AP1M2: variants seen among roughly 807,000 people sequenced by gnomAD.
The protein encoded by AP1M2 is adaptor related protein complex 1 subunit mu 2.
In AP1M2, 41 loss-of-function variants were observed where a neutral mutation model predicts 54.6. The ratio of observed to expected loss-of-function variants is 0.75; its 90% CI spans 0.59 to 0.97. The LOEUF is 0.97. Among genes scored for constraint, AP1M2 ranks in the 50% least tolerant of loss-of-function variants. The pLI, the probability that AP1M2 is intolerant of heterozygous loss-of-function variation, is 0.00. For missense variants in AP1M2, 507 were observed against 561.2 expected (o/e 0.90, Z 0.98); for synonymous variants, 219 against 215.9 (o/e 1.01, Z -0.13).
rs1237311567 is a variant in AP1M2 at position 10,583,587 on chromosome 19, A to G, written c.267+19T>C. 1.3e-6 allele frequency: 2 copies of G among 1,579,096 alleles called. No homozygotes were observed. The highest frequency in any genetic ancestry group is 1.7e-6 in the Non-Finnish European group (2 of 1,152,438). ...GATAGACGGATAGACCAGTTAGCCA[A>G]TGGGAGGCTAGTACCTACCTCTATT... is the stretch of plus-strand genomic sequence containing the variant. On this transcript the variant is annotated intron_variant, in intron 3 of 11. Transcript: ENST00000250244.
In AP1M2 at chr19:10,583,790, C is replaced by A. The variant is rs1161068933; in HGVS notation, c.200-117G>T. ...CTCATCTCTACCTGCCCCTGCCCCC[C>A]AGCCTAAGCCACAGAGATGTGCGGT... On this transcript the variant is annotated intron_variant, in intron 2 of 11. Transcript: ENST00000250244. The A allele has an allele frequency of 2.7e-6, 4 of 1,488,434 alleles. No individual in the cohort carries two copies. In the East Asian group the frequency reaches 7.1e-5, roughly 26 times the overall value. 92.2% of individuals were successfully genotyped at this position (1,488,434 alleles called of 1,614,324 possible).
At position 10,584,011 on chromosome 19, in the gene AP1M2, C is replaced by T; in HGVS notation, c.102G>A (p.Met34Ile). ...DVAMSKIEHF[M>I]PLLVQREEEG... ...CCTCCTCCCGCTGTACCAGCAAAGG[C>T]ATGAAGTGCTCAATCTTGCTCATGG... The change falls in exon 2 of 12, where the codon ATG becomes ATA. Residue 34 changes from methionine to isoleucine, a missense_variant. Transcript: ENST00000250244. The T allele has an allele frequency of 6.2e-7, 1 of 1,610,224 alleles. No individual in the cohort carries two copies. Among genetic ancestry groups the T allele is most frequent in the Non-Finnish European group, 8.5e-7 (1 of 1,178,388 alleles).
chr19:10,583,965 G>A lies in AP1M2; in HGVS notation c.148C>T (p.Leu50=), dbSNP rs1197908497. The change falls in exon 2 of 12, where the codon CTG becomes TTG. Residue 50 remains leucine, a synonymous_variant. Coordinates refer to ENST00000250244, the MANE Select transcript of AP1M2 (RefSeq NM_005498.5). The part of the protein sequence containing the change: ...REEEGALAPL[L]SHGQVHFLWI... ...AGGAAGTGGACCTGGCCGTGGCTCAGCAGCGGGGCCAGGGCGCCTTCCTCC... is the reference window on the plus strand; with the variant it reads ...AGGAAGTGGACCTGGCCGTGGCTCAACAGCGGGGCCAGGGCGCCTTCCTCC... 1.2e-6 allele frequency: 2 copies of A among 1,604,052 alleles called. No individual in the cohort carries two copies. The highest frequency in any genetic ancestry group is 8.5e-7 in the Non-Finnish European group (1 of 1,175,530).
In AP1M2 at chr19:10,579,817, G is replaced by A; in HGVS notation, c.715C>T (p.His239Tyr). ...KSVELEDVKF[H>Y]QCVRLSRFDN... is the part of the protein sequence containing the mutation. ...AAGCGAGAGAGCCGCACGCACTGGT[G>A]GAATTTTACATCCTCCAGCTCTACT... Residue 239 changes from histidine (H) to tyrosine (Y), a missense_variant, in exon 7 of 12, where the codon CAC becomes TAC. By Grantham distance (83) the His-to-Tyr change is moderately conservative. Coordinates refer to ENST00000250244, the MANE Select transcript of AP1M2 (RefSeq NM_005498.5). 5 of 1,613,310 alleles carry A rather than the reference G, an allele frequency of 3.1e-6. No homozygotes were observed. The highest frequency in any genetic ancestry group is 4.2e-6 in the Non-Finnish European group (5 of 1,179,630).
At chr19:10,581,224 C>A (rs1917436707) in intron 6 of AP1M2, 42 bp downstream of exon 6, 2 of 1,579,850 alleles carry the variant, frequency 1.3e-6, no homozygotes, top group Non-Finnish European at 1.7e-6. Flanking sequence ...GTTTGCGACT[C>A]CCCTGTGCAT....
At chr19:10,586,153 C>T (rs373495413) in intron 1 of AP1M2, among the ~76,000 whole-genome samples, 161 of 151,852 alleles carry the variant, frequency 1.1e-3, no homozygotes, top group African/African-American at 3.7e-3. Context: ...CGTGATGGTG[C>T]GCGCCTGTAA....
rs1321446165 is a variant in AP1M2, at chr19:10,581,503, T to A, written c.530A>T (p.Glu177Val). 6.8e-6 allele frequency: 11 copies of A among 1,613,900 alleles called. No homozygotes were observed. Among genetic ancestry groups the A allele is most frequent in the Non-Finnish European group, 8.5e-6 (10 of 1,179,872 alleles). The part of the protein sequence containing the change: ...KKNEVFIDVI[E>V]SVNLLVNANG... Reference sequence around the variant, plus strand: ...CAGGCTCACCAGCAGGTTGACAGACTCTATGACATCAATGAAGACCTCGTT... The same window carrying A: ...CAGGCTCACCAGCAGGTTGACAGACACTATGACATCAATGAAGACCTCGTT... The change falls in exon 5 of 12, where the codon GAG (glutamate) becomes GTG (valine). Residue 177 changes from glutamate (E) to valine (V), a missense_variant. By Grantham distance (121) the Glu-to-Val change is moderately radical. Coordinates refer to ENST00000250244, the MANE Select transcript of AP1M2 (RefSeq NM_005498.5).
In AP1M2 at chr19:10,583,617, T is replaced by G. The variant is rs527647767; in HGVS notation, c.256A>C (p.Lys86Gln). 6.2e-7 allele frequency: 1 copy of G among 1,611,966 alleles called. No individual in the cohort carries two copies. The highest frequency in any genetic ancestry group is 1.1e-5 in the South Asian group (1 of 90,982). ...AGGCTAGTACCTACCTCTATTGTCT[T>G]ATACAGGAAGGAGTACACCAGGGAG... ...NASLVYSFLY[K>Q]TIEVFCEYFK... The change falls in exon 3 of 12, where the codon AAG becomes CAG. Residue 86 changes from lysine to glutamine, a missense_variant. Transcript: ENST00000250244.
In AP1M2 at chr19:10,584,013, T is replaced by G; in HGVS notation, c.100A>C (p.Met34Leu). The G allele has an allele frequency of 6.2e-7, 1 of 1,610,474 alleles. No homozygotes were observed. The change falls in exon 2 of 12, where the codon ATG becomes CTG. Residue 34 changes from methionine to leucine, a missense_variant. Transcript: ENST00000250244. ...TCCTCCCGCTGTACCAGCAAAGGCA[T>G]GAAGTGCTCAATCTTGCTCATGGCC... is the stretch of plus-strand genomic sequence containing the variant. The part of the protein sequence containing the change: ...DVAMSKIEHF[M>L]PLLVQREEEG...
intron 9 of AP1M2, among the ~76,000 whole-genome samples, chr19:10,576,179 C>T (rs1286761439): frequency 6.6e-6 from 1 of 150,828 alleles, no homozygotes; most frequent in Non-Finnish European, 1.5e-5. Context: ...GCAACCTCCG[C>T]CTCCCGGGTT....
Position 10,578,875 on chromosome 19 carries a change from A to C in AP1M2, c.888+17T>G, listed in dbSNP as rs753764805. The C allele has an allele frequency of 1.2e-6, 2 of 1,601,290 alleles. No individual in the cohort carries two copies. The highest frequency in any genetic ancestry group is 2.3e-5 in the South Asian group (2 of 88,522). ...CCGAGATCATGCATTGTTAATAAGCATTCCCCCAAGGCCCACCTTGACCAT... is the reference window on the plus strand; with the variant it reads ...CCGAGATCATGCATTGTTAATAAGCCTTCCCCCAAGGCCCACCTTGACCAT... On this transcript the variant is annotated intron_variant, in intron 8 of 11. Transcript: ENST00000250244.
chr19:10,575,932 ATTTTTTTT>A (rs34986004), intron 9 of AP1M2, among the ~76,000 whole-genome samples: 1 of 134,982 alleles, frequency 7.4e-6, no homozygotes, highest in South Asian at 2.4e-4. Flanking sequence ...CGCCCAGCTA[ATTTTTTTT>A]TTTTTTGTAT....
At chr19:10,573,449 G>A (rs1468284739) in intron 11 of AP1M2, among the ~76,000 whole-genome samples, 2 of 151,646 alleles carry the variant, frequency 1.3e-5, no homozygotes, top group Non-Finnish European at 2.9e-5. Context: ...AGGGGTGAAG[G>A]AAGAGGGACA....
intron 4 of AP1M2, 31 bp from the exon 5 acceptor site, chr19:10,581,665 G>A (rs763673386): frequency 1.2e-6 from 2 of 1,612,840 alleles, no homozygotes; most frequent in Non-Finnish European, 1.7e-6. Flanking sequence ...ACAAGCAGCT[G>A]GACCCAGGGA....
chr19:10,585,733 A>G (rs1917637773), intron 1 of AP1M2, among the ~76,000 whole-genome samples: 1 of 152,022 alleles, frequency 6.6e-6, no homozygotes, highest in Non-Finnish European at 1.5e-5. Context: ...TGTTTTGTCC[A>G]GTGTCTGAAC....
At chr19:10,585,302 A>AGAAAGAAG (rs1555753892) in intron 1 of AP1M2, among the ~76,000 whole-genome samples, 1 of 65,874 alleles carries the variant, frequency 1.5e-5, no homozygotes, top group Admixed American at 1.3e-4. Context: ...AAAGAAAGAA[A>AGAAAGAAG]GAAAGAAAGA....
At chr19:10,577,734 C>A (rs997568377) in intron 8 of AP1M2, among the ~76,000 whole-genome samples, 3 of 113,516 alleles carry the variant, frequency 2.6e-5, no homozygotes, top group African/African-American at 1.0e-4. Flanking sequence ...CATGCTTGGC[C>A]TTTTTTTTTT....
Position 10,573,039 on chromosome 19 carries a change from T to G in AP1M2, c.*27A>C. ...CATCCGGGGCTGTAAGGAAGCCCCG[T>G]GTTCAAGCCCCCATCTCTTCTCCCT... On this transcript the variant is annotated 3_prime_UTR_variant, in exon 12 of 12. Coordinates refer to ENST00000250244, the MANE Select transcript of AP1M2 (RefSeq NM_005498.5). The G allele has an allele frequency of 6.4e-7, 1 of 1,558,554 alleles. No individual in the cohort carries two copies. The highest frequency in any genetic ancestry group is 8.7e-7 in the Non-Finnish European group (1 of 1,150,652).
Position 10,587,242 on chromosome 19 carries a change from G to A in AP1M2, c.-11C>T, listed in dbSNP as rs1388360744. 1 of 1,563,020 alleles carries A rather than the reference G, an allele frequency of 6.4e-7. No individual in the cohort carries two copies. The highest frequency in any genetic ancestry group is 1.2e-5 in the South Asian group (1 of 84,644). ...AGCCGAGGCGGACATGGTGGCGGCC[G>A]AAGGACTTAGGAGTCGGGGAGGGAG... On this transcript the variant is annotated 5_prime_UTR_variant, in exon 1 of 12. Coordinates refer to ENST00000250244, the MANE Select transcript of AP1M2 (RefSeq NM_005498.5).
Sources: allele counts gnomAD v4.1 joint callset (sites outside exome capture counted in the v4.1 genomes callset), GRCh38; gene constraint gnomAD v4.1.1; transcripts MANE v1.5; gene names NCBI Gene and HGNC (gene_info 2026-07-23, HGNC 2026-07-21).